CAST: variants seen among roughly 807,000 people sequenced by gnomAD.
CAST encodes the protein calpastatin.
CAST carries 76 observed loss-of-function variants against 119.6 expected under a neutral mutation model. The ratio of observed to expected loss-of-function variants is 0.64; its 90% confidence interval spans 0.53 to 0.77. CAST has a LOEUF of 0.77. CAST is among the 30% of genes least tolerant of loss of function. The probability of loss-of-function intolerance (pLI) is 0.00; values close to 1 mark genes in which losing one functional copy is unlikely to be tolerated. For synonymous variants in CAST, 319 were observed against 331.6 expected, an observed-to-expected ratio of 0.96 and a Z score of 0.41; for missense variants, 953 against 946.5, an observed-to-expected ratio of 1.01 and a Z score of -0.09.
intron 3 of CAST, among the ~76,000 whole-genome samples, chr5:96,700,277 C>G (rs151049259): frequency 1.3e-5 from 2 of 152,354 alleles, no homozygotes; most frequent in East Asian, 3.9e-4. Context: ...AGCACATCAA[C>G]TCCTAATCCC....
intron 1 of CAST, among the ~76,000 whole-genome samples, chr5:96,625,940 G>A (rs566820780): frequency 4.6e-5 from 7 of 152,246 alleles, no homozygotes; most frequent in African/African-American, 1.4e-4. Flanking sequence ...CAGCTGAGAC[G>A]TCCAGAACTG....
intron 1 of CAST, among the ~76,000 whole-genome samples, chr5:96,606,586 C>G (rs114667859): frequency 1.3e-5 from 2 of 152,236 alleles, no homozygotes; most frequent in Non-Finnish European, 2.9e-5. Flanking sequence ...TATCTGTTTC[C>G]TGGTTCTCGT....
chr5:96,316,221 G>A, the CAST span, among the ~76,000 whole-genome samples: 2 of 152,210 alleles, frequency 1.3e-5, no homozygotes, highest in African/African-American at 2.4e-5. Context: ...CATCATTTTA[G>A]TATGTAAACT....
the CAST span, among the ~76,000 whole-genome samples, chr5:96,103,864 T>A: frequency 1.3e-5 from 2 of 151,148 alleles, no homozygotes; most frequent in Non-Finnish European, 3.0e-5. Flanking sequence ...CAGCACCTGT[T>A]GTTTCCTGAC....
At chr5:96,667,841 C>A (rs1485512839) in intron 1 of CAST, among the ~76,000 whole-genome samples, 2 of 152,074 alleles carry the variant, frequency 1.3e-5, no homozygotes, top group Non-Finnish European at 2.9e-5. Context: ...GGTGAAACCC[C>A]ATCTCTACTA....
the CAST span, among the ~76,000 whole-genome samples, chr5:96,171,142 T>G: frequency 4.6e-5 from 7 of 152,290 alleles, no homozygotes; most frequent in African/African-American, 1.7e-4. Flanking sequence ...TGCCTGGACG[T>G]CAGGCACCTT....
At chr5:96,103,445 T>C in the CAST span, among the ~76,000 whole-genome samples, 1 of 149,596 alleles carries the variant, frequency 6.7e-6, no homozygotes, top group East Asian at 2.0e-4. Context: ...TGAGAATATG[T>C]GGTGTTTGGT....
chr5:96,410,795 T>G, the CAST span: 1 of 1,613,922 alleles, frequency 6.2e-7, no homozygotes, highest in African/African-American at 1.3e-5. Flanking sequence ...CGGTGTAATC[T>G]CCGCTGCTGT....
At chr5:96,331,438 G>A in the CAST span, among the ~76,000 whole-genome samples, 1 of 152,200 alleles carries the variant, frequency 6.6e-6, no homozygotes, top group Non-Finnish European at 1.5e-5. Context: ...ACCAACAGCA[G>A]TAATGAACTC....
At chr5:96,179,556 T>C in the CAST span, among the ~76,000 whole-genome samples, 2 of 152,222 alleles carry the variant, frequency 1.3e-5, no homozygotes, top group African/African-American at 4.8e-5. Context: ...GCATAGTGCC[T>C]GGCACATTGT....
At chr5:96,755,653 A>G (rs1766142782) in intron 22 of CAST, among the ~76,000 whole-genome samples, 1 of 152,248 alleles carries the variant, frequency 6.6e-6, no homozygotes, top group Non-Finnish European at 1.5e-5. Context: ...TAACAATTCT[A>G]GAAAATCAAA....
chr5:96,456,901 C>T, the CAST span, among the ~76,000 whole-genome samples: 16 of 152,230 alleles, frequency 1.1e-4, no homozygotes, highest in East Asian at 2.7e-3. Flanking sequence ...GGGCTTTTGC[C>T]CCTTTTGCTT....
chr5:96,065,449 G>T, the CAST span, among the ~76,000 whole-genome samples: 2 of 151,490 alleles, frequency 1.3e-5, no homozygotes, highest in African/African-American at 2.4e-5. Context: ...ATGTATATAT[G>T]TAGAAATTAA....
chr5:96,545,702 A>C (rs940734816), intron 1 of CAST, among the ~76,000 whole-genome samples: 6 of 152,212 alleles, frequency 3.9e-5, no homozygotes, highest in Admixed American at 2.0e-4. Flanking sequence ...CATAGCCTCT[A>C]TCCATATCAC....
At chr5:96,583,797 TTG>T in intron 1 of CAST, among the ~76,000 whole-genome samples, 2 of 152,322 alleles carry the variant, frequency 1.3e-5, no homozygotes, top group African/African-American at 4.8e-5. Flanking sequence ...GACATTTGTA[TTG>T]TTACTTGATT....
chr5:96,256,720 T>A, the CAST span, among the ~76,000 whole-genome samples: 1,780 of 152,184 alleles, frequency 0.012, 132 homozygotes, highest in Admixed American at 0.11. Flanking sequence ...CGAAATGTCA[T>A]TAGGTGACAC....
At chr5:96,585,227 C>T (rs1209765571) in intron 1 of CAST, among the ~76,000 whole-genome samples, 3 of 152,092 alleles carry the variant, frequency 2.0e-5, no homozygotes, top group African/African-American at 7.2e-5. Context: ...ATTATCTCAG[C>T]TTCTTCAGCC....
the CAST span, among the ~76,000 whole-genome samples, chr5:96,481,066 T>C: frequency 6.6e-6 from 1 of 151,988 alleles, no homozygotes; most frequent in East Asian, 1.9e-4. Flanking sequence ...GGAGACAGGC[T>C]TACAGCTAAA....
chr5:96,017,590 A>G, the CAST span, among the ~76,000 whole-genome samples: 15 of 152,334 alleles, frequency 9.8e-5, no homozygotes, highest in South Asian at 2.1e-4. Flanking sequence ...TAAAAATCAT[A>G]TAACAACTGG....
Sources: gnomAD v4.1 joint callset for allele counts (sites outside exome capture counted in the v4.1 genomes callset) on GRCh38, gnomAD v4.1.1 for gene constraint, MANE v1.5 for transcripts, NCBI Gene and HGNC (gene_info 2026-07-23, HGNC 2026-07-21) for gene names.